The following MNAT1 variants were observed in gnomAD, a reference collection of about 807,000 sequenced individuals.
MNAT1 encodes CDK-activating kinase assembly factor MAT1.
In MNAT1, 43 loss-of-function variants were observed where a neutral mutation model predicts 42.0. The ratio of observed to expected loss-of-function variants is 1.02; its 90% CI spans 0.80 to 1.32. The LOEUF (loss-of-function observed/expected upper bound fraction) is 1.32, where lower values mean the gene tolerates loss of function less well. MNAT1 is among the 40% of genes most tolerant of loss of function. The pLI is 0.00. For synonymous variants in MNAT1, 118 were observed against 120.0 expected (o/e 0.98, Z 0.11); for missense variants, 306 against 350.4 (o/e 0.87, Z 1.01).
In MNAT1 at chr14:60,869,023, C is replaced by CATAT. The variant is rs1169429243; in HGVS notation, c.688-10676_688-10673dup. Among the ~76,000 whole-genome samples, 542 of 101,686 alleles carry CATAT rather than the reference C, an allele frequency of 5.3e-3. 11 individuals are homozygous for CATAT. Among genetic ancestry groups the CATAT allele is most frequent in the African/African-American group, 0.014 (440 of 30,814 alleles). The allele number at this position is 101,686 out of a possible 152,430, so 66.7% of individuals were successfully genotyped here. A position where few individuals can be genotyped will look rare whatever the true frequency, so the allele number is the denominator to read the frequency against. ...CTTTTTTATATTGTGTTATTTTATA[C>CATAT]ATATATATATATATATATTTTTTTT... On this transcript the variant is annotated intron_variant, in intron 6 of 7. Coordinates refer to ENST00000261245, the MANE Select transcript of MNAT1 (RefSeq NM_002431.4).
chr14:60,890,590 C>G (rs2034817429), intron 7 of MNAT1, among the ~76,000 whole-genome samples: 1 of 152,174 alleles, frequency 6.6e-6, no homozygotes, highest in African/African-American at 2.4e-5. Context: ...GGGAAGCCGA[C>G]AGAGCAGCCT....
chr14:60,774,064 A>G (rs941607285), intron 1 of MNAT1, among the ~76,000 whole-genome samples: 1 of 152,218 alleles, frequency 6.6e-6, no homozygotes, highest in Admixed American at 6.5e-5. Flanking sequence ...TTTAGATTGG[A>G]TGGTAAAAAA....
At chr14:60,829,367 A>G (rs2033153322) in intron 6 of MNAT1, among the ~76,000 whole-genome samples, 1 of 152,214 alleles carries the variant, frequency 6.6e-6, no homozygotes, top group Non-Finnish European at 1.5e-5. Flanking sequence ...CTATATTTCT[A>G]GGTAACAATT....
chr14:60,865,015 T>C (rs2034173859), intron 6 of MNAT1, among the ~76,000 whole-genome samples: 1 of 152,006 alleles, frequency 6.6e-6, no homozygotes, highest in African/African-American at 2.4e-5. Context: ...TTTTTGGAGA[T>C]AGGGTAGATG....
At chr14:60,748,840 C>T (rs1055242845) in intron 1 of MNAT1, among the ~76,000 whole-genome samples, 2 of 152,008 alleles carry the variant, frequency 1.3e-5, no homozygotes, top group African/African-American at 4.8e-5. Flanking sequence ...GTCACAGTAT[C>T]GTAAATGCAT....
intron 3 of MNAT1, among the ~76,000 whole-genome samples, chr14:60,805,428 T>C (rs915737542): frequency 6.6e-6 from 1 of 152,182 alleles, no homozygotes; most frequent in Non-Finnish European, 1.5e-5. Flanking sequence ...ACAAAGTCTG[T>C]AGTTTACACT....
chr14:60,745,603 G>A (rs760869346), intron 1 of MNAT1, among the ~76,000 whole-genome samples: 4 of 152,134 alleles, frequency 2.6e-5, no homozygotes, highest in Non-Finnish European at 5.9e-5. Flanking sequence ...TTTTAATAGA[G>A]ATGGGGTTTG....
chr14:60,908,578 T>C (rs1423991612), intron 7 of MNAT1, among the ~76,000 whole-genome samples: 1 of 151,790 alleles, frequency 6.6e-6, no homozygotes, highest in Non-Finnish European at 1.5e-5. Context: ...CGGTGTTTGG[T>C]TTTTTGTCCT....
At chr14:60,928,820 A>G (rs1391945004) in intron 7 of MNAT1, among the ~76,000 whole-genome samples, 2 of 151,890 alleles carry the variant, frequency 1.3e-5, no homozygotes, top group Non-Finnish European at 2.9e-5. Context: ...ATAATTCTTT[A>G]TATATTCTGG....
At chr14:60,807,538 C>T (rs1368988957) in intron 3 of MNAT1, among the ~76,000 whole-genome samples, 1 of 152,062 alleles carries the variant, frequency 6.6e-6, no homozygotes, top group Non-Finnish European at 1.5e-5. Flanking sequence ...ATATGGATTC[C>T]TCCATATGAG....
chr14:60,917,917 C>T (rs1395084408), intron 7 of MNAT1, among the ~76,000 whole-genome samples: 1 of 151,852 alleles, frequency 6.6e-6, no homozygotes, highest in African/African-American at 2.4e-5. Flanking sequence ...CGTGAGACAC[C>T]GTGTCTGGCT....
intron 7 of MNAT1, among the ~76,000 whole-genome samples, chr14:60,946,185 T>C (rs1196405398): frequency 6.6e-6 from 1 of 152,224 alleles, no homozygotes; most frequent in East Asian, 1.9e-4. Flanking sequence ...CTTTACAACA[T>C]GAACATACTC....
chr14:60,930,209 A>C (rs201563928), intron 7 of MNAT1, among the ~76,000 whole-genome samples: 5 of 123,176 alleles, frequency 4.1e-5, no homozygotes, highest in African/African-American at 1.7e-4. Flanking sequence ...TTCCGTCTTT[A>C]TTATTATTAT....
chr14:60,797,427 T>C (rs559243210), intron 2 of MNAT1, among the ~76,000 whole-genome samples: 1 of 151,334 alleles, frequency 6.6e-6, no homozygotes, highest in Non-Finnish European at 1.5e-5. Context: ...AGTGAATCCC[T>C]TAGAAGTAAA....
At chr14:60,812,658 C>G (rs1481922363) in intron 5 of MNAT1, among the ~76,000 whole-genome samples, 1 of 152,126 alleles carries the variant, frequency 6.6e-6, no homozygotes, top group Admixed American at 6.6e-5. Flanking sequence ...ACTGTCATGC[C>G]CATCTTTGAG....
intron 6 of MNAT1, among the ~76,000 whole-genome samples, chr14:60,869,457 T>G (rs1728286445): frequency 1.3e-5 from 2 of 152,154 alleles, no homozygotes; most frequent in Admixed American, 6.6e-5. Context: ...GGCCTTACAC[T>G]CTAATGGGAG....
At chr14:60,877,324 C>A (rs184055595) in intron 6 of MNAT1, among the ~76,000 whole-genome samples, 1 of 152,154 alleles carries the variant, frequency 6.6e-6, no homozygotes, top group Admixed American at 6.6e-5. Context: ...GTGCCTATTA[C>A]AACGTGCCTG....
intron 1 of MNAT1, among the ~76,000 whole-genome samples, chr14:60,776,412 T>C (rs183915166): frequency 6.6e-6 from 1 of 152,176 alleles, no homozygotes; most frequent in Non-Finnish European, 1.5e-5. Flanking sequence ...TTAAGTGGGA[T>C]GGGGCAAGAG....
intron 7 of MNAT1, among the ~76,000 whole-genome samples, chr14:60,882,639 T>A (rs942736672): frequency 6.6e-6 from 1 of 152,148 alleles, no homozygotes; most frequent in African/African-American, 2.4e-5. Context: ...TCTATTTTTG[T>A]TTTTTGACAA....
Sources: gnomAD v4.1 joint callset for allele counts (sites outside exome capture counted in the v4.1 genomes callset) on GRCh38, gnomAD v4.1.1 for gene constraint, MANE v1.5 for transcripts, NCBI Gene and HGNC (gene_info 2026-07-23, HGNC 2026-07-21) for gene names.